The following STXBP4 variants were observed in gnomAD, a reference collection of about 807,000 sequenced individuals.
STXBP4 encodes syntaxin binding protein 4.
In STXBP4, 55 loss-of-function variants were observed where a neutral mutation model predicts 76.1. That is an observed-to-expected ratio of 0.72 (90% CI 0.58 to 0.91). STXBP4 has a LOEUF of 0.91. STXBP4 is among the 40% of genes least tolerant of loss of function. STXBP4 has a pLI of 0.00. For synonymous variants in STXBP4, 201 were observed against 220.2 expected (o/e 0.91, Z 0.77); for missense variants, 618 against 636.9 (o/e 0.97, Z 0.32).
chr17:55,071,068 A>G (rs1210433495), intron 12 of STXBP4, among the ~76,000 whole-genome samples: 1 of 152,142 alleles, frequency 6.6e-6, no homozygotes, highest in Non-Finnish European at 1.5e-5. Context: ...TATCACCCTT[A>G]TTGAAGCTAC....
intron 16 of STXBP4, among the ~76,000 whole-genome samples, chr17:55,084,367 G>A (rs1030823708): frequency 5.9e-5 from 9 of 152,166 alleles, no homozygotes; most frequent in African/African-American, 2.2e-4. Flanking sequence ...ATTCATTGTA[G>A]ATTCTGGATA....
chr17:55,085,281 C>A (rs1335516912), intron 16 of STXBP4, among the ~76,000 whole-genome samples: 1 of 151,908 alleles, frequency 6.6e-6, no homozygotes, highest in Non-Finnish European at 1.5e-5. Flanking sequence ...GTGGGTGCAG[C>A]GCACCAGCAA....
At chr17:55,115,192 C>T (rs2079767154) in intron 16 of STXBP4, among the ~76,000 whole-genome samples, 1 of 151,898 alleles carries the variant, frequency 6.6e-6, no homozygotes, top group South Asian at 2.1e-4. Flanking sequence ...CTGAAGGAAA[C>T]AGACCACTGT....
At chr17:55,211,796 G>GTTTTTTTTTTTTTTT in the STXBP4 span, among the ~76,000 whole-genome samples, 4 of 34,998 alleles carry the variant, frequency 1.1e-4, 1 homozygote, top group Admixed American at 6.1e-4. Context: ...CCTGTTTTTT[G>GTTTTTTTTTTTTTTT]TTGTTTTTTT....
intron 5 of STXBP4, 45 bp downstream of exon 5, chr17:54,999,496 T>C (rs772577416): frequency 2.4e-5 from 36 of 1,530,662 alleles, no homozygotes; most frequent in Non-Finnish European, 3.1e-5. Context: ...TTAGAATGTC[T>C]CCTTGAAAGC....
chr17:55,105,649 T>TG (rs1040375944), intron 16 of STXBP4, among the ~76,000 whole-genome samples: 3 of 151,628 alleles, frequency 2.0e-5, no homozygotes, highest in African/African-American at 7.3e-5. Flanking sequence ...TTTTTTTTTT[T>TG]TTGTATTTTT....
At chr17:54,984,579 G>A (rs1157016868) in intron 1 of STXBP4, among the ~76,000 whole-genome samples, 2 of 151,626 alleles carry the variant, frequency 1.3e-5, no homozygotes, top group Non-Finnish European at 2.9e-5. Context: ...TCCTGACCTC[G>A]TGATCCACCC....
chr17:55,075,770 G>A (rs570341526), intron 13 of STXBP4, among the ~76,000 whole-genome samples: 1 of 152,190 alleles, frequency 6.6e-6, no homozygotes, highest in East Asian at 1.9e-4. Flanking sequence ...TAATGGCTTT[G>A]AGACAGTGAT....
At chr17:55,193,330 GAATA>G in the STXBP4 span, among the ~76,000 whole-genome samples, 1 of 152,164 alleles carries the variant, frequency 6.6e-6, no homozygotes, top group Non-Finnish European at 1.5e-5. Flanking sequence ...AATTAAAGGT[GAATA>G]CATGAAATGA....
intron 4 of STXBP4, among the ~76,000 whole-genome samples, chr17:54,995,659 G>A (rs1048665983): frequency 2.0e-5 from 3 of 152,122 alleles, no homozygotes; most frequent in African/African-American, 7.2e-5. Flanking sequence ...GTTTTCATGC[G>A]GAGCATAGCA....
chr17:55,043,694 T>G (rs2078742088), intron 11 of STXBP4: 1 of 1,532,492 alleles, frequency 6.5e-7, no homozygotes. Context: ...GAAATACATT[T>G]TTTTTCATGT....
Position 55,089,754 on chromosome 17 carries a change from C to T in STXBP4, c.1489+8571C>T, listed in dbSNP as rs556055166. 5.0e-4 allele frequency among the ~76,000 whole-genome samples: 76 copies of T among 152,248 alleles called. 1 individual carries two copies. The highest frequency in any genetic ancestry group is 1.8e-3 in the African/African-American group (75 of 41,542). The stretch of plus-strand genomic sequence containing the variant: ...CAAAAGCATAAAGAGGCAGTTCTAT[C>T]TTTAGAAATGCATAATAAGAAAAAA... On this transcript the variant is annotated intron_variant, in intron 16 of 17. Transcript: ENST00000376352.
At chr17:54,969,091 C>T (rs547962488) in intron 1 of STXBP4, among the ~76,000 whole-genome samples, 1 of 152,298 alleles carries the variant, frequency 6.6e-6, no homozygotes, top group Non-Finnish European at 1.5e-5. Context: ...TCTCAGGAAG[C>T]CTTGCTGTGT....
At chr17:55,059,401 T>C (rs2078969511) in intron 12 of STXBP4, among the ~76,000 whole-genome samples, 1 of 152,178 alleles carries the variant, frequency 6.6e-6, no homozygotes, top group Non-Finnish European at 1.5e-5. Flanking sequence ...AATAATATCT[T>C]AAATGATGCA....
intron 4 of STXBP4, among the ~76,000 whole-genome samples, chr17:54,994,011 G>C (rs926937348): frequency 6.6e-6 from 1 of 152,144 alleles, no homozygotes; most frequent in Non-Finnish European, 1.5e-5. Flanking sequence ...TGGTTTAGTA[G>C]AAGCAAAATA....
At chr17:55,194,273 G>T in the STXBP4 span, among the ~76,000 whole-genome samples, 1 of 152,046 alleles carries the variant, frequency 6.6e-6, no homozygotes, top group Non-Finnish European at 1.5e-5. Context: ...AGAAGTTGGG[G>T]CAATATGAAA....
At chr17:55,087,599 T>A (rs985771520) in intron 16 of STXBP4, among the ~76,000 whole-genome samples, 6 of 152,158 alleles carry the variant, frequency 3.9e-5, no homozygotes, top group African/African-American at 1.4e-4. Context: ...GTTTCATTGG[T>A]CTGTGTGATT....
At position 55,047,169 on chromosome 17, in the gene STXBP4, T is replaced by C. The variant is rs2078801296; in HGVS notation, c.1011+15T>C. ...ATGTGAAACAAGTAAGTATATGTAT[T>C]GTGTATATATGTGCTCGTGTGTGTG... On this transcript the variant is annotated intron_variant, in intron 12 of 17. Coordinates refer to ENST00000376352, the MANE Select transcript of STXBP4 (RefSeq NM_178509.6). 1.4e-6 allele frequency: 2 copies of C among 1,479,564 alleles called. No homozygotes were observed. The highest frequency in any genetic ancestry group is 3.0e-5 in the African/African-American group (2 of 67,270). The allele number at this position is 1,479,564 out of a possible 1,614,324, so 91.7% of individuals were successfully genotyped here.
rs938117507 is a variant in STXBP4, at chr17:54,968,827, T to C, written c.-157+12T>C. The C allele has an allele frequency of 2.7e-5, 17 of 632,600 alleles. No individual in the cohort carries two copies. In the African/African-American group the frequency reaches 2.9e-4, roughly 11 times the overall value. 39.2% of individuals were successfully genotyped at this position (632,600 alleles called of 1,614,324 possible). A position where few individuals can be genotyped will look rare whatever the true frequency, so the allele number is the denominator to read the frequency against. On this transcript the variant is annotated intron_variant, in intron 1 of 17. Transcript: ENST00000376352. Reference sequence around the variant, plus strand: ...TTGCCAGATTACGGGTAAGTTTGCGTTTTGCTTTGTGACTGTTACTCCCAC... The same window carrying C: ...TTGCCAGATTACGGGTAAGTTTGCGCTTTGCTTTGTGACTGTTACTCCCAC...
Sources: allele counts gnomAD v4.1 joint callset (sites outside exome capture counted in the v4.1 genomes callset), GRCh38; gene constraint gnomAD v4.1.1; transcripts MANE v1.5; gene names NCBI Gene and HGNC (gene_info 2026-07-23, HGNC 2026-07-21).